The following FNDC1 variants were observed in gnomAD, a reference collection of about 807,000 sequenced individuals.
The protein encoded by FNDC1 is fibronectin type III domain-containing protein 1.
A neutral mutation model predicts 168.0 loss-of-function variants in FNDC1; 96 were observed. The ratio of observed to expected loss-of-function variants is 0.57; its 90% CI spans 0.48 to 0.68. The LOEUF (loss-of-function observed/expected upper bound fraction) is 0.68. Among genes scored for constraint, FNDC1 ranks in the 30% least tolerant of loss-of-function variants. The pLI is 0.00. For missense variants in FNDC1, 2,587 were observed against 2,482.1 expected (o/e 1.04, Z -0.90); for synonymous variants, 1,099 against 1,025.9 (o/e 1.07, Z -1.36).
chr6:159,172,831 C>T (rs946779147), intron 1 of FNDC1, among the ~76,000 whole-genome samples: 10 of 152,196 alleles, frequency 6.6e-5, no homozygotes, highest in African/African-American at 1.9e-4. Flanking sequence ...TGTCCAGCTA[C>T]ACATCTGTGT....
chr6:159,233,047 C>T lies in FNDC1; in HGVS notation c.2535C>T (p.Pro845=), dbSNP rs1383567753. 2 of 1,611,004 alleles carry T rather than the reference C, an allele frequency of 1.2e-6. No individual in the cohort carries two copies. Among genetic ancestry groups the T allele is most frequent in the East Asian group, 2.2e-5 (1 of 44,780 alleles). Residue 845 remains proline, a synonymous_variant, in exon 11 of 23, where the codon CCC becomes CCT. Transcript: ENST00000297267. The surrounding 1 kb of genome is among the most constrained non-coding windows in gnomAD (Gnocchi z 4.6). ...FSIGRGPRLQ[P]SSSPQSTVPS... is the part of the protein sequence containing the mutation. The stretch of plus-strand genomic sequence containing the variant: ...TTGGGCGGGGACCTCGGCTGCAGCC[C>T]TCCAGCTCCCCACAGTCGACTGTGC...
chr6:159,188,536 G>A (rs1184052556), intron 1 of FNDC1, among the ~76,000 whole-genome samples: 5 of 148,034 alleles, frequency 3.4e-5, no homozygotes, highest in East Asian at 4.0e-4. Flanking sequence ...CACCAGGCCC[G>A]GCTAATTTTT....
intron 1 of FNDC1, among the ~76,000 whole-genome samples, chr6:159,174,462 T>C (rs998977071): frequency 1.1e-4 from 16 of 152,272 alleles, no homozygotes; most frequent in African/African-American, 3.9e-4. Context: ...GCTCCTGGAC[T>C]TCTGGAGCCG....
chr6:159,250,327 C>T (rs1777227712), intron 16 of FNDC1, among the ~76,000 whole-genome samples: 1 of 152,198 alleles, frequency 6.6e-6, no homozygotes, highest in African/African-American at 2.4e-5. Context: ...CAAAGAACTT[C>T]TTGACTTCTG....
At chr6:159,229,464 C>T (rs893147624) in intron 9 of FNDC1, among the ~76,000 whole-genome samples, 2 of 152,184 alleles carry the variant, frequency 1.3e-5, no homozygotes, top group Admixed American at 1.3e-4. Context: ...TTTATTCTAT[C>T]AGGACATATC....
intron 22 of FNDC1, among the ~76,000 whole-genome samples, chr6:159,268,389 C>T (rs1291884793): frequency 1.3e-5 from 2 of 152,288 alleles, no homozygotes; most frequent in East Asian, 1.9e-4. Context: ...ATTTTCCAGA[C>T]ATGAGATGTT....
intron 9 of FNDC1, among the ~76,000 whole-genome samples, chr6:159,227,026 G>T (rs475074): frequency 0.38 from 58,385 of 152,010 alleles, 14,349 homozygotes; most frequent in East Asian, 0.73. Flanking sequence ...AAAATGGATT[G>T]ATTCCCTATT....
intron 19 of FNDC1, among the ~76,000 whole-genome samples, chr6:159,262,098 C>A (rs767507091): frequency 1.3e-5 from 2 of 152,226 alleles, no homozygotes; most frequent in East Asian, 1.9e-4. Context: ...CAGAGTGAGA[C>A]CTTGTCTCTG....
chr6:159,176,563 A>T (rs769588612), intron 1 of FNDC1, among the ~76,000 whole-genome samples: 6 of 152,208 alleles, frequency 3.9e-5, no homozygotes, highest in Non-Finnish European at 8.8e-5. Flanking sequence ...CCTGCTGCAC[A>T]CGTGAAGTCA....
rs1323007275 is a variant in FNDC1 at position 159,169,631 on chromosome 6, C to T, written c.35C>T (p.Pro12Leu). ...GAGGCCGGGGCGACCCTGCGCGCGC[C>T]GCGCCGGCTGTCCTGGGCGGCGCTG... Reference protein sequence around the residue: ...APEAGATLRAPRRLSWAALLL... With the variant: ...APEAGATLRALRRLSWAALLL... Residue 12 changes from proline to leucine, a missense_variant, in exon 1 of 23, where the codon CCG becomes CTG. Physicochemically the swap from Pro to Leu is moderately conservative, Grantham distance 98. Transcript: ENST00000297267. The surrounding 1 kb of genome is among the most constrained non-coding windows in gnomAD (Gnocchi z 6.8). The T allele has an allele frequency of 1.7e-6, 2 of 1,144,282 alleles. No individual in the cohort carries two copies. The highest frequency in any genetic ancestry group is 1.6e-5 in the African/African-American group (1 of 61,106). 70.9% of individuals were successfully genotyped at this position (1,144,282 alleles called of 1,614,324 possible).
intron 4 of FNDC1, among the ~76,000 whole-genome samples, chr6:159,208,877 C>T (rs867913470): frequency 7.5e-5 from 10 of 134,194 alleles, no homozygotes; most frequent in Middle Eastern, 4.7e-3. Flanking sequence ...GACAGAGTCT[C>T]GCTCTTCTCG....
chr6:159,234,525 G>A (rs766501331), intron 11 of FNDC1, 46 bp downstream of exon 11: 2 of 1,585,370 alleles, frequency 1.3e-6, no homozygotes, highest in East Asian at 4.5e-5. Flanking sequence ...GTTCAGTGGT[G>A]TTCATGGCAA....
Position 159,185,951 on chromosome 6 carries a change from G to T in FNDC1, c.110-11480G>T, listed in dbSNP as rs146011174. Among the ~76,000 whole-genome samples the T allele has an allele frequency of 1.1e-3, 167 of 152,324 alleles. 1 individual carries two copies. Among genetic ancestry groups the T allele is most frequent in the Middle Eastern group, 0.01 (3 of 294 alleles). On this transcript the variant is annotated intron_variant, in intron 1 of 22. Coordinates refer to ENST00000297267, the MANE Select transcript of FNDC1 (RefSeq NM_032532.3). ...TGAATTTAATGCAATCTGTCAGACGGTTATATATTAGTTGGGAAACTGGAC... is the reference window on the plus strand; with the variant it reads ...TGAATTTAATGCAATCTGTCAGACGTTTATATATTAGTTGGGAAACTGGAC...
chr6:159,246,572 G>A (rs185488337), intron 14 of FNDC1, among the ~76,000 whole-genome samples: 303 of 152,330 alleles, frequency 2.0e-3, no homozygotes, highest in African/African-American at 7.0e-3. Context: ...AGCCCTGCAG[G>A]CATGCGGGCG....
chr6:159,195,183 C>T (rs985465280), intron 1 of FNDC1, among the ~76,000 whole-genome samples: 1 of 152,054 alleles, frequency 6.6e-6, no homozygotes, highest in Non-Finnish European at 1.5e-5. Context: ...TTAAAAAGAA[C>T]CTTCATTAGG....
chr6:159,187,800 C>T (rs1782034183), intron 1 of FNDC1, among the ~76,000 whole-genome samples: 1 of 152,128 alleles, frequency 6.6e-6, no homozygotes, highest in African/African-American at 2.4e-5. Context: ...GTATTTTGCC[C>T]ATGTGTTGTC....
chr6:159,254,339 C>T (rs1170540558), intron 17 of FNDC1, among the ~76,000 whole-genome samples: 1 of 152,162 alleles, frequency 6.6e-6, no homozygotes, highest in Admixed American at 6.5e-5. Context: ...CAACCATGCA[C>T]ATGGTTTTAA....
intron 22 of FNDC1, among the ~76,000 whole-genome samples, chr6:159,268,826 AT>A (rs1466742173): frequency 1.4e-4 from 1 of 7,296 alleles, no homozygotes; most frequent in African/African-American, 2.1e-4. Context: ...CTATTCATCT[AT>A]CTATCTATCT....
At chr6:159,230,590 T>C (rs1001664742) in intron 10 of FNDC1, among the ~76,000 whole-genome samples, 8 of 152,234 alleles carry the variant, frequency 5.3e-5, no homozygotes, top group Middle Eastern at 3.2e-3. Flanking sequence ...TATTTAGGAA[T>C]GCAGCTGTAC....
Sources: gnomAD v4.1 joint callset for allele counts (sites outside exome capture counted in the v4.1 genomes callset) on GRCh38, gnomAD v4.1.1 for gene constraint, Gnocchi (gnomAD v3.1) non-coding constraint, MANE v1.5 for transcripts, NCBI Gene and HGNC (gene_info 2026-07-23, HGNC 2026-07-21) for gene names.